The following TTC1 variants were observed in gnomAD, a reference collection of about 807,000 sequenced individuals.
The protein encoded by TTC1 is tetratricopeptide repeat domain 1, also known as tetratricopeptide repeat protein 1.
Under a neutral mutation model 37.6 loss-of-function variants are expected in TTC1, and 31 were observed. That is an observed-to-expected ratio of 0.82 (90% CI 0.62 to 1.11). The LOEUF is 1.11. Among genes scored for constraint, TTC1 ranks in the 50% most tolerant of loss-of-function variants. TTC1 has a pLI of 0.00. For missense variants in TTC1, 351 were observed against 339.0 expected, an observed-to-expected ratio of 1.04 and a Z score of -0.28; for synonymous variants, 127 against 122.4, an observed-to-expected ratio of 1.04 and a Z score of -0.25.
At chr5:160,037,723 T>A (rs1417944951) in intron 4 of TTC1, among the ~76,000 whole-genome samples, 2 of 152,034 alleles carry the variant, frequency 1.3e-5, no homozygotes, top group Non-Finnish European at 2.9e-5. Context: ...TAGATTTGTT[T>A]CTGATTTGTC....
intron 6 of TTC1, among the ~76,000 whole-genome samples, chr5:160,050,334 C>G (rs1418521475): frequency 6.6e-6 from 1 of 151,644 alleles, no homozygotes; most frequent in Admixed American, 6.6e-5. Context: ...GTAATCCCAG[C>G]TACTCGAGAG....
intron 7 of TTC1, among the ~76,000 whole-genome samples, chr5:160,053,364 C>G (rs1224359217): frequency 6.6e-6 from 1 of 151,928 alleles, no homozygotes; most frequent in Non-Finnish European, 1.5e-5. Context: ...AGGCTGAGCC[C>G]GAGTTCAAGA....
In TTC1 at chr5:160,056,452, T is replaced by G. The variant is rs1757549774; in HGVS notation, c.745+5269T>G. ...GGCATGGTGGTCATGCCTATAATCCTGGCACATTGGGAGGCCTATGTAAGA... is the reference window on the plus strand; with the variant it reads ...GGCATGGTGGTCATGCCTATAATCCGGGCACATTGGGAGGCCTATGTAAGA... On this transcript the variant is annotated intron_variant, in intron 7 of 7. Coordinates refer to ENST00000231238, the MANE Select transcript of TTC1 (RefSeq NM_003314.3). 2.0e-5 allele frequency among the ~76,000 whole-genome samples: 3 copies of G among 152,302 alleles called. No homozygotes were observed. In the South Asian group the frequency reaches 6.2e-4, roughly 32 times the overall value.
In TTC1 at chr5:160,043,079, G is replaced by A. The variant is rs1180526893; in HGVS notation, c.505-54G>A. ...GATCAGATCATGTCATTAAGCCTTT[G>A]GGCCATTAAGATAAAACTAGGGCAA... On this transcript the variant is annotated intron_variant, in intron 4 of 7. Transcript: ENST00000231238. 2.5e-6 allele frequency: 4 copies of A among 1,572,340 alleles called. No individual in the cohort carries two copies. In the African/African-American group the frequency reaches 5.4e-5, roughly 21 times the overall value.
In TTC1 at chr5:160,065,205, T is replaced by A. The variant is rs1753569276; in HGVS notation, c.*140T>A. On this transcript the variant is annotated 3_prime_UTR_variant, in exon 8 of 8. Transcript: ENST00000231238. Reference sequence around the variant, plus strand: ...CTATCCAGTAGAGCCCAGTGCTCCCTTGTCCCTCTTTTATGATCAGGGTGA... The same window carrying A: ...CTATCCAGTAGAGCCCAGTGCTCCCATGTCCCTCTTTTATGATCAGGGTGA... 1 of 1,159,334 alleles carries A rather than the reference T, an allele frequency of 8.6e-7. No homozygotes were observed. The highest frequency in any genetic ancestry group is 1.2e-6 in the Non-Finnish European group (1 of 805,038). The allele number at this position is 1,159,334 out of a possible 1,614,324, so 71.8% of individuals were successfully genotyped here.
chr5:160,054,982 T>C (rs1038139013), intron 7 of TTC1, among the ~76,000 whole-genome samples: 1 of 152,008 alleles, frequency 6.6e-6, no homozygotes, highest in African/African-American at 2.4e-5. Flanking sequence ...CCCTCAGGAG[T>C]CCCTTGAGAA....
chr5:160,049,465 T>C (rs1757344218), intron 5 of TTC1, 49 bp from the exon 6 acceptor site: 9 of 1,494,824 alleles, frequency 6.0e-6, no homozygotes, highest in Middle Eastern at 2.1e-4. Flanking sequence ...GCCAAAGATA[T>C]GTAGGCCATT....
intron 2 of TTC1, among the ~76,000 whole-genome samples, chr5:160,034,179 G>T (rs1259330715): frequency 6.8e-6 from 1 of 146,184 alleles, no homozygotes; most frequent in Non-Finnish European, 1.5e-5. Context: ...TGTTTTTGGG[G>T]TTTTTTTGTT....
intron 7 of TTC1, among the ~76,000 whole-genome samples, chr5:160,052,548 CAAAAAAAAAAA>C (rs557157232): frequency 3.7e-4 from 25 of 68,094 alleles, no homozygotes; most frequent in East Asian, 1.4e-3. Context: ...TCTATTTTAG[CAAAAAAAAAAA>C]AAAAAAAAAA....
At position 160,010,589 on chromosome 5, in the gene TTC1, A is replaced by G; in HGVS notation, c.61A>G (p.Thr21Ala). 6.2e-7 allele frequency: 1 copy of G among 1,614,176 alleles called. No homozygotes were observed. Among genetic ancestry groups the G allele is most frequent in the Non-Finnish European group, 8.5e-7 (1 of 1,180,028 alleles). Reference protein sequence around the residue: ...PEDLLNGLKVTDTQEAECAGP... With the variant: ...PEDLLNGLKVADTQEAECAGP... Reference sequence around the variant, plus strand: ...GGATCTGTTAAATGGTTTGAAGGTTACAGATACTCAGGAAGCCGAGTGTGC... The same window carrying G: ...GGATCTGTTAAATGGTTTGAAGGTTGCAGATACTCAGGAAGCCGAGTGTGC... Residue 21 changes from threonine to alanine, a missense_variant, in exon 2 of 8, where the codon ACA (threonine) becomes GCA (alanine). Coordinates refer to ENST00000231238, the MANE Select transcript of TTC1 (RefSeq NM_003314.3).
intron 4 of TTC1, among the ~76,000 whole-genome samples, chr5:160,038,192 C>T (rs918322903): frequency 4.6e-5 from 7 of 151,904 alleles, no homozygotes; most frequent in Admixed American, 1.3e-4. Flanking sequence ...AGTATACAAA[C>T]CAACATTTTG....
intron 2 of TTC1, chr5:160,023,945 T>G (rs1365030815): frequency 2.5e-5 from 39 of 1,568,728 alleles, no homozygotes; most frequent in Non-Finnish European, 3.2e-5. Flanking sequence ...CTTTTCCTCT[T>G]CCTCATCAGG....
At chr5:160,044,504 CCTCCCCTTTTTAGAATA>C (rs2073309268) in intron 5 of TTC1, among the ~76,000 whole-genome samples, 2 of 152,170 alleles carry the variant, frequency 1.3e-5, no homozygotes, top group South Asian at 4.1e-4. Context: ...ACTGAGGGTC[CCTCCCCTTTTTAGAATA>C]TATAGGGTAA....
rs976402563 is a variant in TTC1 at position 160,036,041 on chromosome 5, T to A, written c.392-650T>A. Among the ~76,000 whole-genome samples, 65 of 152,116 alleles carry A rather than the reference T, an allele frequency of 4.3e-4. 1 individual carries two copies. Among genetic ancestry groups the A allele is most frequent in the Non-Finnish European group, 2.4e-4 (16 of 68,024 alleles). On this transcript the variant is annotated intron_variant, in intron 3 of 7. Coordinates refer to ENST00000231238, the MANE Select transcript of TTC1 (RefSeq NM_003314.3). The stretch of plus-strand genomic sequence containing the variant: ...ACTTCTAATTTTGGAAGCATATTTT[T>A]TGTATGTTAATATTAAATATTTCAA...
At chr5:160,033,384 A>G (rs1756946252) in intron 2 of TTC1, among the ~76,000 whole-genome samples, 1 of 152,162 alleles carries the variant, frequency 6.6e-6, no homozygotes. Flanking sequence ...TAGTTTCCTC[A>G]CTGAGATTCA....
At chr5:160,048,126 C>CTTTTTTTTTTTTTTTTTT (rs56201199) in intron 5 of TTC1, among the ~76,000 whole-genome samples, 1 of 35,538 alleles carries the variant, frequency 2.8e-5, no homozygotes, top group African/African-American at 1.2e-4. Context: ...CAAGACATTG[C>CTTTTTTTTTTTTTTTTTT]TTTTTTTTTT....
At chr5:160,033,507 T>G (rs970955648) in intron 2 of TTC1, among the ~76,000 whole-genome samples, 5 of 152,220 alleles carry the variant, frequency 3.3e-5, no homozygotes, top group Non-Finnish European at 7.3e-5. Flanking sequence ...TTATTTTGGT[T>G]CCTGTATTAA....
At chr5:160,018,166 G>A (rs1185138786) in intron 2 of TTC1, among the ~76,000 whole-genome samples, 2 of 152,174 alleles carry the variant, frequency 1.3e-5, no homozygotes, top group African/African-American at 2.4e-5. Flanking sequence ...CTTCCACAAA[G>A]TGAGGATGCA....
At chr5:160,063,457 C>G (rs934813703) in intron 7 of TTC1, 3 of 152,704 alleles carry the variant, frequency 2.0e-5, no homozygotes, top group Non-Finnish European at 2.9e-5. Flanking sequence ...TCACATGATC[C>G]TCCTGCCTCA....
Sources: allele counts gnomAD v4.1 joint callset (sites outside exome capture counted in the v4.1 genomes callset), GRCh38; gene constraint gnomAD v4.1.1; transcripts MANE v1.5; gene names NCBI Gene and HGNC (gene_info 2026-07-23, HGNC 2026-07-21).